FSD1L: variants seen among roughly 807,000 people sequenced by gnomAD.
FSD1L encodes fibronectin type III and SPRY domain containing 1 like, also known as FSD1-like protein.
Under a neutral mutation model 71.6 loss-of-function variants are expected in FSD1L, and 45 were observed. That is an observed-to-expected ratio of 0.63 (90% CI 0.49 to 0.81). The LOEUF (loss-of-function observed/expected upper bound fraction) is 0.81. Among genes scored for constraint, FSD1L ranks in the 30% least tolerant of loss-of-function variants. The pLI, the probability that FSD1L is intolerant of heterozygous loss-of-function variation, is 0.00. For missense variants in FSD1L, 561 were observed against 618.1 expected (o/e 0.91, Z 0.98); for synonymous variants, 197 against 207.2 (o/e 0.95, Z 0.42).
chr9:105,485,705 A>G (rs138181853), intron 7 of FSD1L, among the ~76,000 whole-genome samples: 6,515 of 150,636 alleles, frequency 0.043, 485 homozygotes, highest in African/African-American at 0.15. Flanking sequence ...CTGCAGTGGC[A>G]CGATCTCGGC....
At chr9:105,495,520 A>T (rs528905793) in intron 7 of FSD1L, among the ~76,000 whole-genome samples, 284 of 152,196 alleles carry the variant, frequency 1.9e-3, no homozygotes, top group Middle Eastern at 3.4e-3. Context: ...TCCTGCGCCC[A>T]CTGTCTGGCA....
chr9:105,525,435 T>C, intron 10 of FSD1L: 1 of 1,608,902 alleles, frequency 6.2e-7, no homozygotes, highest in Non-Finnish European at 8.5e-7. Context: ...TTAAGCAACA[T>C]ACAGAAGAAA....
Position 105,502,666 on chromosome 9 carries a change from A to T in FSD1L, c.587-3733A>T, listed in dbSNP as rs188015713. 3.2e-3 allele frequency among the ~76,000 whole-genome samples: 484 copies of T among 149,900 alleles called. 13 individuals carry two copies. Among genetic ancestry groups the T allele is most frequent in the East Asian group, 0.014 (73 of 5,162 alleles). On this transcript the variant is annotated intron_variant, in intron 7 of 13. Coordinates refer to ENST00000481272, the MANE Select transcript of FSD1L (RefSeq NM_001145313.3). ...ACATAGATATTACTACTACTTTGAT[A>T]AAAAAAAATGATTTAAAACGCCGTC...
At chr9:105,520,186 C>G in intron 10 of FSD1L, 3 of 1,611,452 alleles carry the variant, frequency 1.9e-6, no homozygotes, top group Non-Finnish European at 2.5e-6. Context: ...GTGCTAGACA[C>G]CAAGAAGGAC....
In FSD1L at chr9:105,549,685, A is replaced by G. The variant is rs928939746; in HGVS notation, c.*3202A>G. ...TTATTTATGAAATTAAAGCATGAAT[A>G]ATATGTATAATTTGAATTTTTTGTG... On this transcript the variant is annotated 3_prime_UTR_variant, in exon 14 of 14. Coordinates refer to ENST00000481272, the MANE Select transcript of FSD1L (RefSeq NM_001145313.3). The G allele has an allele frequency of 1.3e-5, 2 of 152,058 alleles. No homozygotes were observed. The highest frequency in any genetic ancestry group is 2.9e-5 in the Non-Finnish European group (2 of 67,932). 9.4% of individuals were successfully genotyped at this position (152,058 alleles called of 1,614,324 possible). A position where few individuals can be genotyped will look rare whatever the true frequency, so the allele number is the denominator to read the frequency against.
At chr9:105,489,035 C>T (rs1447995942) in intron 7 of FSD1L, among the ~76,000 whole-genome samples, 1 of 152,010 alleles carries the variant, frequency 6.6e-6, no homozygotes, top group African/African-American at 2.4e-5. Context: ...TAATTGTTAT[C>T]TGTCAATTGA....
chr9:105,460,268 G>A (rs1830604377), intron 1 of FSD1L, among the ~76,000 whole-genome samples: 1 of 152,050 alleles, frequency 6.6e-6, no homozygotes, highest in African/African-American at 2.4e-5. Flanking sequence ...ATAGAATTTT[G>A]AATGAATTTA....
intron 9 of FSD1L, 58 bp from the exon 10 acceptor site, chr9:105,512,749 T>C: frequency 1.0e-6 from 1 of 990,032 alleles, no homozygotes; most frequent in South Asian, 2.3e-5. Context: ...ATAGCTGTGT[T>C]TCAGAAAGTG....
intron 10 of FSD1L, chr9:105,526,342 T>C (rs901839984): frequency 4.8e-5 from 78 of 1,611,950 alleles, no homozygotes; most frequent in Non-Finnish European, 6.4e-5. Flanking sequence ...CCATTTACCA[T>C]CTGATGCCGA....
rs1397007002 is a variant in FSD1L, at chr9:105,461,592, C to T, written c.88C>T (p.Pro30Ser). ...TCTGATCTCTAACATCACTATTGGA[C>T]CAGAGTCTATTAACTTGCAGCAGGT... The part of the protein sequence containing the change: ...CFLISNITIG[P>S]ESINLQQEAL... Residue 30 changes from proline to serine, a missense_variant, in exon 2 of 14, where the codon CCA becomes TCA. By Grantham distance (74) the Pro-to-Ser change is moderately conservative (BLOSUM62 -1). Coordinates refer to ENST00000481272, the MANE Select transcript of FSD1L (RefSeq NM_001145313.3). 2 of 1,550,452 alleles carry T rather than the reference C, an allele frequency of 1.3e-6. No homozygotes were observed. Among genetic ancestry groups the T allele is most frequent in the Non-Finnish European group, 1.7e-6 (2 of 1,145,668 alleles).
chr9:105,443,201 C>T (rs1411143554), upstream of FSD1L, among the ~76,000 whole-genome samples: 1 of 152,210 alleles, frequency 6.6e-6, no homozygotes, highest in African/African-American at 2.4e-5. Flanking sequence ...TAAAGACATA[C>T]TCGAGACTGG....
chr9:105,517,140 G>A (rs1834778643), intron 10 of FSD1L, among the ~76,000 whole-genome samples: 1 of 152,044 alleles, frequency 6.6e-6, no homozygotes, highest in African/African-American at 2.4e-5. Context: ...AGAATAATAG[G>A]GAATGAACAA....
In FSD1L at chr9:105,524,171, C is replaced by T. The variant is rs996487755; in HGVS notation, c.1026-10322C>T. The stretch of plus-strand genomic sequence containing the variant: ...GTATTTGGATTTGTGAAGAACTAGT[C>T]CATGAGTCTCATCATCCTCAAATTA... On this transcript the variant is annotated intron_variant, in intron 10 of 13. Transcript: ENST00000481272. 6.3e-5 allele frequency: 102 copies of T among 1,612,098 alleles called. 2 individuals are homozygous for T. The Middle Eastern group carries it at 9.0e-4, about 14-fold the overall frequency.
chr9:105,520,598 A>ACTTCACACAGGAGACTC, intron 10 of FSD1L: 1 of 1,506,976 alleles, frequency 6.6e-7, no homozygotes, highest in Non-Finnish European at 9.2e-7. Context: ...TAAAGAAGCT[A>ACTTCACACAGGAGACTC]CTTCACACAG....
intron 8 of FSD1L, among the ~76,000 whole-genome samples, chr9:105,508,105 G>T (rs1283177156): frequency 6.6e-6 from 1 of 151,278 alleles, no homozygotes; most frequent in African/African-American, 2.4e-5. Context: ...CTGACCTCAG[G>T]TTCGGGAGTT....
Position 105,535,190 on chromosome 9 carries a change from A to C in FSD1L, c.1250A>C (p.Asn417Thr). 8 of 1,552,070 alleles carry C rather than the reference A, an allele frequency of 5.2e-6. No homozygotes were observed. Among genetic ancestry groups the C allele is most frequent in the Non-Finnish European group, 7.0e-6 (8 of 1,147,058 alleles). The change falls in exon 12 of 14, where the codon AAC (asparagine) becomes ACC (threonine). Residue 417 changes from asparagine to threonine, a missense_variant. This residue lies in a region of FSD1L where 53 missense variants were observed against 102.2 expected (regional missense o/e 0.52). Coordinates refer to ENST00000481272, the MANE Select transcript of FSD1L (RefSeq NM_001145313.3). Reference protein sequence around the residue: ...LGKFDQLGKTNTSWCIHVNNW... With the variant: ...LGKFDQLGKTTTSWCIHVNNW... ...AAATTTGACCAATTGGGAAAGACAA[A>C]CACTAGTTGGTGTATCCATGTCAAC... is the stretch of plus-strand genomic sequence containing the variant.
chr9:105,451,798 A>G lies in FSD1L; in HGVS notation c.15+3563A>G, dbSNP rs191086283. On this transcript the variant is annotated intron_variant, in intron 1 of 13. Transcript: ENST00000481272. Reference sequence around the variant, plus strand: ...ACGTTCAAAGAAAACGTTGAAACAAATAAGACATTTGTACCTTTTTAGAAT... The same window carrying G: ...ACGTTCAAAGAAAACGTTGAAACAAGTAAGACATTTGTACCTTTTTAGAAT... 2.5e-3 allele frequency among the ~76,000 whole-genome samples: 385 copies of G among 152,342 alleles called. 3 individuals carry two copies. The highest frequency in any genetic ancestry group is 0.025 in the South Asian group (120 of 4,826).
At chr9:105,450,385 AAG>A (rs1180694521) in intron 1 of FSD1L, among the ~76,000 whole-genome samples, 1 of 152,200 alleles carries the variant, frequency 6.6e-6, no homozygotes, top group African/African-American at 2.4e-5. Flanking sequence ...TTACATTAGT[AAG>A]AGGATGGCTC....
At chr9:105,524,417 A>G (rs185801357) in intron 10 of FSD1L, 3 of 1,613,698 alleles carry the variant, frequency 1.9e-6, no homozygotes, top group East Asian at 4.5e-5. Context: ...AGAGGTTGGT[A>G]GTATCTTTAC....
Sources: gnomAD v4.1 joint callset for allele counts (sites outside exome capture counted in the v4.1 genomes callset) on GRCh38, gnomAD v4.1.1 for gene constraint, gnomAD v4.1.1 regional missense constraint, MANE v1.5 for transcripts, NCBI Gene and HGNC (gene_info 2026-07-23, HGNC 2026-07-21) for gene names.